RCBTB1: variants seen among roughly 807,000 people sequenced by gnomAD.
The protein encoded by RCBTB1 is RCC1 and BTB domain containing protein 1, also known as RCC1 and BTB domain-containing protein 1.
RCBTB1 carries 46 observed loss-of-function variants against 62.4 expected under a neutral mutation model. That is an observed-to-expected ratio of 0.74 (90% CI 0.58 to 0.94). RCBTB1 has a LOEUF of 0.94. Among genes scored for constraint, RCBTB1 ranks in the 40% least tolerant of loss-of-function variants. RCBTB1 has a pLI of 0.00. For synonymous variants in RCBTB1, 222 were observed against 245.8 expected, an observed-to-expected ratio of 0.90 and a Z score of 0.91; for missense variants, 565 against 654.9, an observed-to-expected ratio of 0.86 and a Z score of 1.50.
At chr13:49,570,319 G>A (rs893278289) in intron 2 of RCBTB1, among the ~76,000 whole-genome samples, 4 of 152,160 alleles carry the variant, frequency 2.6e-5, no homozygotes, top group Non-Finnish European at 4.4e-5. Flanking sequence ...ATTATTATAC[G>A]CACTGACTTC....
At chr13:49,536,230 C>T (rs2139112671) in intron 12 of RCBTB1, among the ~76,000 whole-genome samples, 1 of 152,114 alleles carries the variant, frequency 6.6e-6, no homozygotes, top group South Asian at 2.1e-4. Flanking sequence ...ATTCTGAAAA[C>T]AATCTAAATC....
chr13:49,552,672 T>A (rs931669687), intron 6 of RCBTB1, among the ~76,000 whole-genome samples: 5 of 152,062 alleles, frequency 3.3e-5, no homozygotes, highest in Non-Finnish European at 7.4e-5. Flanking sequence ...AGTGCTACAA[T>A]AGGTATAATC....
chr13:49,578,736 T>G (rs1219537698), intron 2 of RCBTB1, among the ~76,000 whole-genome samples: 2 of 152,212 alleles, frequency 1.3e-5, no homozygotes, highest in African/African-American at 4.8e-5. Flanking sequence ...ATTCTCCATA[T>G]TCCAGCAGAT....
intron 12 of RCBTB1, 45 bp downstream of exon 12, chr13:49,540,831 A>C (rs536700657): frequency 6.3e-7 from 1 of 1,592,792 alleles, no homozygotes; most frequent in Admixed American, 1.8e-5. Context: ...GACGAGCACA[A>C]AGGGAGTTAA....
intron 9 of RCBTB1, chr13:49,546,255 G>A: frequency 1.0e-6 from 1 of 985,376 alleles, no homozygotes. Flanking sequence ...TCCTTTCAGA[G>A]AAGAAATCCT....
At chr13:49,550,314 C>G (rs1411372040) in intron 8 of RCBTB1, 1 of 334,894 alleles carries the variant, frequency 3.0e-6, no homozygotes, top group African/African-American at 2.2e-5. Context: ...CTCTCATCTC[C>G]TACCAGAGCT....
chr13:49,554,254 A>G (rs1443518317), intron 6 of RCBTB1, among the ~76,000 whole-genome samples: 1 of 152,214 alleles, frequency 6.6e-6, no homozygotes, highest in Non-Finnish European at 1.5e-5. Flanking sequence ...ACTATTAACA[A>G]GATTGGGAAA....
At chr13:49,574,020 G>A (rs560020002) in intron 2 of RCBTB1, among the ~76,000 whole-genome samples, 1 of 148,958 alleles carries the variant, frequency 6.7e-6, no homozygotes, top group South Asian at 2.1e-4. Context: ...CTGACCTCAA[G>A]TGATCCACCC....
intron 1 of RCBTB1, among the ~76,000 whole-genome samples, chr13:49,582,797 C>G (rs912953348): frequency 4.9e-5 from 7 of 144,080 alleles, no homozygotes; most frequent in Admixed American, 2.9e-4. Flanking sequence ...CATTTGGAGA[C>G]CATTCTCTTC....
chr13:49,585,282 C>G (rs1236214405), intron 1 of RCBTB1, among the ~76,000 whole-genome samples, 162 bp downstream of exon 1: 1 of 152,166 alleles, frequency 6.6e-6, no homozygotes, highest in African/African-American at 2.4e-5. Flanking sequence ...ATCCCTCGCC[C>G]CGGACGCAGC....
chr13:49,566,959 A>G (rs1309640685), intron 3 of RCBTB1, among the ~76,000 whole-genome samples, 191 bp from the exon 4 acceptor site: 1 of 152,134 alleles, frequency 6.6e-6, no homozygotes, highest in Non-Finnish European at 1.5e-5. Flanking sequence ...TATATTATGA[A>G]ACTCAGAGTG....
chr13:49,537,483 A>G (rs1000765303), intron 12 of RCBTB1, among the ~76,000 whole-genome samples: 42 of 152,156 alleles, frequency 2.8e-4, no homozygotes, highest in Admixed American at 1.2e-3. Context: ...TCCAATACTC[A>G]TACCCCAGAC....
intron 2 of RCBTB1, among the ~76,000 whole-genome samples, chr13:49,570,116 C>T (rs573119254): frequency 6.6e-6 from 1 of 152,310 alleles, no homozygotes; most frequent in African/African-American, 2.4e-5. Context: ...TTTAATTTTA[C>T]ATGACACAGA....
intron 2 of RCBTB1, among the ~76,000 whole-genome samples, chr13:49,574,565 T>C (rs1454300044): frequency 6.6e-6 from 1 of 152,074 alleles, no homozygotes; most frequent in Non-Finnish European, 1.5e-5. Flanking sequence ...ATTCATAACG[T>C]AGAGTGGCAG....
At chr13:49,539,031 A>G (rs555486104) in intron 12 of RCBTB1, among the ~76,000 whole-genome samples, 1,575 of 151,924 alleles carry the variant, frequency 0.01, 11 homozygotes, top group Non-Finnish European at 0.016. Context: ...CACCACACCC[A>G]GCTAATTTTT....
chr13:49,581,271 G>T (rs921694841), intron 1 of RCBTB1, among the ~76,000 whole-genome samples: 4 of 152,092 alleles, frequency 2.6e-5, no homozygotes, highest in African/African-American at 4.8e-5. Flanking sequence ...GCCCACACTA[G>T]GGAAATGGAG....
chr13:49,544,828 T>C lies in RCBTB1; in HGVS notation c.1081A>G (p.Lys361Glu). 2 of 1,612,112 alleles carry C rather than the reference T, an allele frequency of 1.2e-6. No individual in the cohort carries two copies. Among genetic ancestry groups the C allele is most frequent in the Non-Finnish European group, 8.5e-7 (1 of 1,179,098 alleles). The change falls in exon 10 of 13, where the codon AAG becomes GAG. Residue 361 changes from lysine (K) to glutamate (E), a missense_variant. By Grantham distance (56) the Lys-to-Glu change is moderately conservative. Transcript: ENST00000378302. ...EDFLTVAESLKKEFDSPETAD... is the reference protein window; with the variant it reads ...EDFLTVAESLEKEFDSPETAD... ...GTTTCTGGACTATCAAATTCTTTCTTCAGTGACTCTGCAACTGTTAAAAAG... is the reference window on the plus strand; with the variant it reads ...GTTTCTGGACTATCAAATTCTTTCTCCAGTGACTCTGCAACTGTTAAAAAG...
chr13:49,539,565 GGA>G (rs754421292), intron 12 of RCBTB1: 1 of 152,138 alleles, frequency 6.6e-6, no homozygotes, highest in Admixed American at 6.6e-5. Flanking sequence ...GGAGGAGCGT[GGA>G]GAGGCCCAGA....
At chr13:49,581,504 G>T (rs1246216033) in intron 1 of RCBTB1, among the ~76,000 whole-genome samples, 1 of 152,144 alleles carries the variant, frequency 6.6e-6, no homozygotes, top group South Asian at 2.1e-4. Context: ...ATATTAAAGT[G>T]GACAAGTCCC....
Sources: allele counts gnomAD v4.1 joint callset (sites outside exome capture counted in the v4.1 genomes callset), GRCh38; gene constraint gnomAD v4.1.1; transcripts MANE v1.5; gene names NCBI Gene and HGNC (gene_info 2026-07-23, HGNC 2026-07-21).